Variants in PLA2R1 observed in about 807,000 individuals in gnomAD.
PLA2R1 encodes secretory phospholipase A2 receptor.
PLA2R1 carries 158 observed loss-of-function variants against 195.9 expected under a neutral mutation model. That is an observed-to-expected ratio of 0.81 (90% CI 0.71 to 0.92). The LOEUF (loss-of-function observed/expected upper bound fraction) is 0.92. PLA2R1 is among the 40% of genes least tolerant of loss of function. The pLI is 0.00. For synonymous variants in PLA2R1, 586 were observed against 598.2 expected, an observed-to-expected ratio of 0.98 and a Z score of 0.30; for missense variants, 1,626 against 1,764.6, an observed-to-expected ratio of 0.92 and a Z score of 1.41.
intron 11 of PLA2R1, among the ~76,000 whole-genome samples, chr2:159,991,614 TC>T (rs1343519271): frequency 2.9e-5 from 2 of 69,388 alleles, no homozygotes; most frequent in East Asian, 9.7e-4. Flanking sequence ...CCCTCCCCCC[TC>T]CCCCCACCCC....
intron 1 of PLA2R1, among the ~76,000 whole-genome samples, chr2:160,047,561 C>A (rs1479056589): frequency 1.3e-5 from 2 of 152,198 alleles, no homozygotes. Flanking sequence ...ACGCTATCAT[C>A]TTTTATGGAG....
At chr2:159,974,539 CTT>C (rs1689409727) in intron 17 of PLA2R1, among the ~76,000 whole-genome samples, 2 of 152,286 alleles carry the variant, frequency 1.3e-5, no homozygotes, top group African/African-American at 2.4e-5. Context: ...CATCTGGTCT[CTT>C]GTTATTGCCC....
At chr2:160,059,611 T>C (rs748404795) in intron 1 of PLA2R1, among the ~76,000 whole-genome samples, 7 of 152,150 alleles carry the variant, frequency 4.6e-5, no homozygotes, top group Non-Finnish European at 8.8e-5. Flanking sequence ...TACTATATAA[T>C]ACTGTATCTA....
At chr2:160,007,083 C>A (rs1269172991) in intron 10 of PLA2R1, among the ~76,000 whole-genome samples, 1 of 152,278 alleles carries the variant, frequency 6.6e-6, no homozygotes, top group South Asian at 2.1e-4. Flanking sequence ...CTAAATAGCA[C>A]ACATTTGAAA....
intron 11 of PLA2R1, among the ~76,000 whole-genome samples, chr2:159,993,284 G>T (rs1469893180): frequency 6.6e-6 from 1 of 152,046 alleles, no homozygotes; most frequent in African/African-American, 2.4e-5. Flanking sequence ...AAGTGTCAGA[G>T]AGTCCCTTTG....
intron 28 of PLA2R1, 36 bp from the exon 29 acceptor site, chr2:159,942,195 C>G: frequency 1.9e-6 from 3 of 1,548,096 alleles, no homozygotes; most frequent in Non-Finnish European, 2.7e-6. Flanking sequence ...TGAGGTTTTT[C>G]TTTTAATTCA....
At chr2:160,041,650 A>G (rs1694528739) in intron 3 of PLA2R1, among the ~76,000 whole-genome samples, 1 of 152,248 alleles carries the variant, frequency 6.6e-6, no homozygotes, top group Non-Finnish European at 1.5e-5. Context: ...AAAGCAGCTC[A>G]TAAGAGATAG....
chr2:160,004,945 T>A (rs1236776697), intron 11 of PLA2R1, among the ~76,000 whole-genome samples: 3 of 152,176 alleles, frequency 2.0e-5, no homozygotes, highest in African/African-American at 7.2e-5. Flanking sequence ...ACTGATTGGA[T>A]GTACCCATAT....
intron 20 of PLA2R1, among the ~76,000 whole-genome samples, chr2:159,960,161 G>A (rs1212066743): frequency 6.6e-6 from 1 of 152,038 alleles, no homozygotes; most frequent in African/African-American, 2.4e-5. Flanking sequence ...TTTCTTAAAT[G>A]TCATACTCCC....
At chr2:159,958,215 G>C (rs919281865) in intron 20 of PLA2R1, among the ~76,000 whole-genome samples, 1 of 151,940 alleles carries the variant, frequency 6.6e-6, no homozygotes, top group African/African-American at 2.4e-5. Flanking sequence ...CTCAGTTCAT[G>C]CGAGATCTGA....
In PLA2R1 at chr2:159,956,602, T is replaced by A. The variant is rs764788916; in HGVS notation, c.2930A>T (p.Asp977Val). Residue 977 changes from aspartate to valine, a missense_variant, in exon 21 of 30, where the codon GAC becomes GTC. Transcript: ENST00000283243. ...CGTCCAGTTCTTCCAACTGCTTGGGTCTTTGGGGATATTCAGCAGAAGGCA... is the reference window on the plus strand; with the variant it reads ...CGTCCAGTTCTTCCAACTGCTTGGGACTTTGGGGATATTCAGCAGAAGGCA... ...YKCLLLNIPK[D>V]PSSWKNWTHA... 1.4e-5 allele frequency: 22 copies of A among 1,610,770 alleles called. No individual in the cohort carries two copies. Among genetic ancestry groups the A allele is most frequent in the Non-Finnish European group, 1.8e-5 (21 of 1,177,154 alleles).
In PLA2R1 at chr2:160,033,025, A is replaced by C. The variant is rs1385024182; in HGVS notation, c.775T>G (p.Ser259Ala). Residue 259 changes from serine (S) to alanine (A), a missense_variant, in exon 4 of 30, where the codon TCA (serine) becomes GCA (alanine). Transcript: ENST00000283243. ...AGCGTACCTCCTTGCATCTGGCATG[A>C]AGAATGTGCCTCACTCCAAGAGAGA... The part of the protein sequence containing the change: ...SSLSWSEAHS[S>A]CQMQGGTLLS... 1 of 1,613,678 alleles carries C rather than the reference A, an allele frequency of 6.2e-7. No individual in the cohort carries two copies. Among genetic ancestry groups the C allele is most frequent in the Non-Finnish European group, 8.5e-7 (1 of 1,179,714 alleles).
chr2:159,967,240 TATAC>T (rs1688850374), intron 20 of PLA2R1, among the ~76,000 whole-genome samples: 1 of 152,032 alleles, frequency 6.6e-6, no homozygotes, highest in African/African-American at 2.4e-5. Flanking sequence ...CATACATACA[TATAC>T]ATACATATGT....
chr2:159,945,981 A>G, intron 27 of PLA2R1: 1 of 973,948 alleles, frequency 1.0e-6, no homozygotes, highest in Non-Finnish European at 1.2e-6. Flanking sequence ...AAATCCTTTG[A>G]AGTCCTAACA....
In PLA2R1 at chr2:160,062,424, G is replaced by A. The variant is rs1459068123; in HGVS notation, c.-21C>T. On this transcript the variant is annotated 5_prime_UTR_variant, in exon 1 of 30. Transcript: ENST00000283243. ...AGCATCGCTAACCACTGGGCTCTCC[G>A]GGAGCCCCTTGTCCCGGGAGCCCCT... 4 of 1,529,744 alleles carry A rather than the reference G, an allele frequency of 2.6e-6. No homozygotes were observed. The highest frequency in any genetic ancestry group is 2.6e-5 in the East Asian group (1 of 37,972). 94.8% of individuals were successfully genotyped at this position (1,529,744 alleles called of 1,614,324 possible). A position where few individuals can be genotyped will look rare whatever the true frequency, so the allele number is the denominator to read the frequency against.
chr2:160,035,067 C>T (rs533551397), intron 3 of PLA2R1, among the ~76,000 whole-genome samples: 132 of 152,172 alleles, frequency 8.7e-4, no homozygotes, highest in Non-Finnish European at 1.6e-3. Context: ...TGTGTTTACA[C>T]TTGGGTCCTG....
intron 1 of PLA2R1, 35 bp downstream of exon 1, chr2:160,062,260 C>A (rs1208094838): frequency 6.5e-5 from 80 of 1,234,806 alleles, no homozygotes; most frequent in Middle Eastern, 2.8e-4. Flanking sequence ...CCCTCCCCAA[C>A]GTACCGATCC....
rs767125975 is a variant in PLA2R1, at chr2:159,935,082, A to C, written c.*6696T>G. On this transcript the variant is annotated 3_prime_UTR_variant, in exon 30 of 30. Coordinates refer to ENST00000283243, the MANE Select transcript of PLA2R1 (RefSeq NM_007366.5). ...CTAATGTTTTTTCATGATTGAGATT[A>C]TGCATTTTGGGGAGGATACCAAAGA... The C allele has an allele frequency of 6.6e-6, 1 of 152,164 alleles. No individual in the cohort carries two copies. The highest frequency in any genetic ancestry group is 1.5e-5 in the Non-Finnish European group (1 of 68,042). 9.4% of individuals were successfully genotyped at this position (152,164 alleles called of 1,614,324 possible).
intron 4 of PLA2R1, among the ~76,000 whole-genome samples, chr2:160,029,413 G>A (rs1018384761): frequency 1.3e-5 from 2 of 152,068 alleles, no homozygotes; most frequent in Non-Finnish European, 2.9e-5. Flanking sequence ...GCCACCAGGA[G>A]ATGTCTGCTC....
Sources: allele counts gnomAD v4.1 joint callset (sites outside exome capture counted in the v4.1 genomes callset), GRCh38; gene constraint gnomAD v4.1.1; transcripts MANE v1.5; gene names NCBI Gene and HGNC (gene_info 2026-07-23, HGNC 2026-07-21).